Variants in KCNN2 observed in about 807,000 individuals in gnomAD.
KCNN2 encodes the protein potassium calcium-activated channel subfamily N member 2, also known as small conductance calcium-activated potassium channel protein 2.
A neutral mutation model predicts 55.5 loss-of-function variants in KCNN2; 24 were observed. The observed-to-expected ratio is 0.43, with a 90% confidence interval of 0.31 to 0.61. KCNN2 has a LOEUF of 0.61. Ranked by LOEUF, KCNN2 falls within the 20% of genes least tolerant of loss-of-function variation. The probability of loss-of-function intolerance (pLI) is 0.08; values close to 1 mark genes in which losing one functional copy is unlikely to be tolerated. For synonymous variants in KCNN2, 431 were observed against 336.1 expected, an observed-to-expected ratio of 1.28 and a Z score of -3.09; for missense variants, 754 against 853.6, an observed-to-expected ratio of 0.88 and a Z score of 1.45.
chr5:114,453,739 C>T (rs1246457049), intron 3 of KCNN2, among the ~76,000 whole-genome samples: 1 of 152,130 alleles, frequency 6.6e-6, no homozygotes. Flanking sequence ...ATTCTAACTG[C>T]ATTACGGTTA....
At chr5:114,119,717 C>T (rs1460399151) in intron 1 of KCNN2, among the ~76,000 whole-genome samples, 2 of 152,142 alleles carry the variant, frequency 1.3e-5, no homozygotes, top group Non-Finnish European at 2.9e-5. Flanking sequence ...GGGCCAGAGT[C>T]CTCTCCACCT....
At chr5:114,174,160 A>G (rs1307054130) in intron 1 of KCNN2, among the ~76,000 whole-genome samples, 1 of 152,150 alleles carries the variant, frequency 6.6e-6, no homozygotes. Flanking sequence ...AAAACGATCA[A>G]AAACAAAATG....
intron 3 of KCNN2, among the ~76,000 whole-genome samples, chr5:114,408,639 A>G (rs560445372): frequency 4.7e-4 from 72 of 152,322 alleles, no homozygotes; most frequent in African/African-American, 1.7e-3. Flanking sequence ...ATTAAAAATT[A>G]TGCATAACAA....
At chr5:114,445,775 C>T (rs915651526) in intron 3 of KCNN2, among the ~76,000 whole-genome samples, 7 of 152,106 alleles carry the variant, frequency 4.6e-5, no homozygotes, top group African/African-American at 1.4e-4. Context: ...AGTAGCATGC[C>T]AGGTGAGCAG....
At chr5:114,370,794 C>G (rs1451351023) in intron 2 of KCNN2, among the ~76,000 whole-genome samples, 1 of 151,980 alleles carries the variant, frequency 6.6e-6, no homozygotes, top group Non-Finnish European at 1.5e-5. Context: ...GGACTTGAGA[C>G]CATTGTAAGG....
At chr5:114,211,565 A>T (rs1370926201) in intron 1 of KCNN2, among the ~76,000 whole-genome samples, 1 of 152,032 alleles carries the variant, frequency 6.6e-6, no homozygotes, top group African/African-American at 2.4e-5. Flanking sequence ...TACCTGAGGG[A>T]GGAGGGTGGG....
chr5:114,266,911 A>G (rs2150006420), intron 2 of KCNN2, among the ~76,000 whole-genome samples: 1 of 151,918 alleles, frequency 6.6e-6, no homozygotes. Flanking sequence ...AGATGATGTG[A>G]GAAGTCCATT....
chr5:114,226,832 T>C (rs971255346), intron 2 of KCNN2, among the ~76,000 whole-genome samples: 3 of 138,244 alleles, frequency 2.2e-5, no homozygotes, highest in Non-Finnish European at 3.0e-5. Context: ...ACCCAGGAGG[T>C]GGAGCTTGCA....
intron 1 of KCNN2, among the ~76,000 whole-genome samples, chr5:114,134,070 G>T (rs895108395): frequency 6.6e-6 from 1 of 152,196 alleles, no homozygotes; most frequent in Admixed American, 6.5e-5. Context: ...ACTGGGCCAC[G>T]GGTATCCCTG....
At chr5:114,454,312 T>C (rs1760822293) in intron 3 of KCNN2, among the ~76,000 whole-genome samples, 1 of 152,192 alleles carries the variant, frequency 6.6e-6, no homozygotes, top group South Asian at 2.1e-4. Flanking sequence ...CCTTTTTGTG[T>C]CTTTTCGATA....
intron 2 of KCNN2, among the ~76,000 whole-genome samples, chr5:114,301,425 G>A (rs1462811969): frequency 1.3e-5 from 2 of 152,180 alleles, no homozygotes; most frequent in Non-Finnish European, 2.9e-5. Flanking sequence ...CCGAGCGCAT[G>A]TTTCTTGGGT....
intron 1 of KCNN2, among the ~76,000 whole-genome samples, chr5:114,154,997 T>C (rs189640818): frequency 6.6e-6 from 1 of 151,958 alleles, no homozygotes; most frequent in East Asian, 1.9e-4. Context: ...GTATTAAGAC[T>C]AGTATCTATT....
chr5:114,437,783 G>C (rs1760060047), intron 3 of KCNN2, among the ~76,000 whole-genome samples: 1 of 152,182 alleles, frequency 6.6e-6, no homozygotes, highest in Non-Finnish European at 1.5e-5. Context: ...GTCTGGGGAA[G>C]AGGACATTGA....
intron 1 of KCNN2, among the ~76,000 whole-genome samples, chr5:114,118,289 CAGGCACACACAT>C (rs1751757853): frequency 6.6e-6 from 1 of 152,152 alleles, no homozygotes; most frequent in Non-Finnish European, 1.5e-5. Flanking sequence ...TGCACACACA[CAGGCACACACAT>C]ACACACACTC....
chr5:114,255,959 G>C (rs377676234), intron 2 of KCNN2, among the ~76,000 whole-genome samples: 2 of 151,972 alleles, frequency 1.3e-5, no homozygotes, highest in Admixed American at 6.6e-5. Flanking sequence ...CCCCTATATA[G>C]TGTATATTGT....
intron 3 of KCNN2, among the ~76,000 whole-genome samples, chr5:114,448,521 A>T (rs373955130): frequency 1.3e-5 from 2 of 152,296 alleles, no homozygotes; most frequent in Admixed American, 1.3e-4. Context: ...TAATTTTTAG[A>T]ATTGAAGTGG....
chr5:114,100,779 C>A (rs983615386), intron 1 of KCNN2, among the ~76,000 whole-genome samples: 1 of 151,850 alleles, frequency 6.6e-6, no homozygotes, highest in Non-Finnish European at 1.5e-5. Context: ...TTTTATTAGG[C>A]CAGAAAATAA....
chr5:114,310,161 A>T (rs1277658173), intron 2 of KCNN2, among the ~76,000 whole-genome samples: 1 of 152,142 alleles, frequency 6.6e-6, no homozygotes, highest in African/African-American at 2.4e-5. Context: ...CACCAGTGAA[A>T]TCCTTCTTTC....
intron 2 of KCNN2, among the ~76,000 whole-genome samples, chr5:114,292,674 G>A (rs919970483): frequency 2.0e-5 from 3 of 152,104 alleles, no homozygotes; most frequent in African/African-American, 4.8e-5. Context: ...TGGTGACGCG[G>A]GCTCTTTTTT....
Sources: gnomAD v4.1 joint callset for allele counts (sites outside exome capture counted in the v4.1 genomes callset) on GRCh38, gnomAD v4.1.1 for gene constraint, MANE v1.5 for transcripts, NCBI Gene and HGNC (gene_info 2026-07-23, HGNC 2026-07-21) for gene names.